ADGRE5: variants seen among roughly 807,000 people sequenced by gnomAD.
The protein encoded by ADGRE5 is CD97 molecule.
A neutral mutation model predicts 100.3 loss-of-function variants in ADGRE5; 72 were observed. The ratio of observed to expected loss-of-function variants is 0.72; its 90% CI spans 0.59 to 0.87. ADGRE5 has a LOEUF of 0.87. Among genes scored for constraint, ADGRE5 ranks in the 40% least tolerant of loss-of-function variants. ADGRE5 has a pLI of 0.00. For synonymous variants in ADGRE5, 439 were observed against 447.8 expected (o/e 0.98, Z 0.25); for missense variants, 959 against 1,094.7 (o/e 0.88, Z 1.75).
intron 4 of ADGRE5, among the ~76,000 whole-genome samples, chr19:14,395,697 G>A (rs998840283): frequency 2.0e-5 from 3 of 152,036 alleles, no homozygotes; most frequent in Admixed American, 6.6e-5. Flanking sequence ...TTGTAGACTC[G>A]GGGCTGCCTG....
chr19:14,407,061 G>A lies in ADGRE5; in HGVS notation c.2208G>A (p.Arg736=). ...CACGCTGCAACCCCGCTCCTCGCAG[G>A]GCGCTGACCATCACGGCCATCGCGC... is the stretch of plus-strand genomic sequence containing the variant. ...NPDMKKLKKA[R]ALTITAIAQL... Residue 736 remains arginine (R), a splice_region_variant and synonymous_variant, in exon 18 of 20, where the codon AGG becomes AGA. Transcript: ENST00000242786. 6.2e-7 allele frequency: 1 copy of A among 1,614,024 alleles called. No homozygotes were observed. Among genetic ancestry groups the A allele is most frequent in the Non-Finnish European group, 8.5e-7 (1 of 1,180,000 alleles).
Position 14,393,576 on chromosome 19 carries a change from G to A in ADGRE5, c.346+2497G>A, listed in dbSNP as rs561875383. On this transcript the variant is annotated intron_variant, in intron 4 of 19. Transcript: ENST00000242786. ...TAGTGCAGGGTACCGAGATCAGGAAGAGGAGTGGTGCAGAGGTGGGAGGTG... is the reference window on the plus strand; with the variant it reads ...TAGTGCAGGGTACCGAGATCAGGAAAAGGAGTGGTGCAGAGGTGGGAGGTG... Among the ~76,000 whole-genome samples, 23 of 152,356 alleles carry A rather than the reference G, an allele frequency of 1.5e-4. No homozygotes were observed. In the South Asian group the frequency reaches 4.3e-3, roughly 29 times the overall value.
intron 1 of ADGRE5, among the ~76,000 whole-genome samples, chr19:14,385,665 C>T (rs1311565181): frequency 1.3e-5 from 2 of 152,228 alleles, no homozygotes; most frequent in East Asian, 1.9e-4. Flanking sequence ...CAGGACAGAC[C>T]GCCAGGGCCA....
chr19:14,391,216 TACCTAC>T, intron 4 of ADGRE5, 137 bp downstream of exon 4: 2 of 1,094,304 alleles, frequency 1.8e-6, no homozygotes, highest in Non-Finnish European at 2.7e-6. Flanking sequence ...GGTGCACATG[TACCTAC>T]CCCACCACCC....
Position 14,408,300 on chromosome 19 carries a change from G to A in ADGRE5, c.*179G>A. ...GCACCAAAGTCCAGGACACCCAGTG[G>A]GGTGGAGTCGGAGCCACTGGTCCTG... On this transcript the variant is annotated 3_prime_UTR_variant, in exon 20 of 20. Transcript: ENST00000242786. 1.4e-6 allele frequency: 1 copy of A among 703,846 alleles called. No individual in the cohort carries two copies. The highest frequency in any genetic ancestry group is 2.7e-5 in the East Asian group (1 of 36,882). 43.6% of individuals were successfully genotyped at this position (703,846 alleles called of 1,614,324 possible). A position where few individuals can be genotyped will look rare whatever the true frequency, so the allele number is the denominator to read the frequency against.
chr19:14,390,603 C>T (rs201368906), intron 3 of ADGRE5, among the ~76,000 whole-genome samples: 4 of 152,196 alleles, frequency 2.6e-5, no homozygotes, highest in East Asian at 3.9e-4. Flanking sequence ...GGATTACAGG[C>T]GTGAGCCACT....
At chr19:14,395,626 C>T (rs1256186916) in intron 4 of ADGRE5, among the ~76,000 whole-genome samples, 1 of 152,262 alleles carries the variant, frequency 6.6e-6, no homozygotes, top group Non-Finnish European at 1.5e-5. Flanking sequence ...TATGGATTCT[C>T]ACCAAATCCT....
chr19:14,392,931 A>G (rs555135373), intron 4 of ADGRE5, among the ~76,000 whole-genome samples: 1 of 142,624 alleles, frequency 7.0e-6, no homozygotes, highest in South Asian at 2.2e-4. Context: ...GCTAGGCGCG[A>G]TGGCTCATGC....
At chr19:14,400,955 CA>C (rs201175207) in intron 9 of ADGRE5, among the ~76,000 whole-genome samples, 5,139 of 148,868 alleles carry the variant, frequency 0.035, 302 homozygotes, top group African/African-American at 0.12. Flanking sequence ...CAAAACAAAA[CA>C]AAAAAAAAAT....
chr19:14,406,560 G>A lies in ADGRE5; in HGVS notation c.2048+3G>A. 1 of 1,598,800 alleles carries A rather than the reference G, an allele frequency of 6.3e-7. No individual in the cohort carries two copies. Among genetic ancestry groups the A allele is most frequent in the Non-Finnish European group, 8.5e-7 (1 of 1,173,132 alleles). ...AAGGGCTACGGCCGCCCCAGATAGT[G>A]AGTGCAGCGAGATGGGGCAGGAGGA... On this transcript the variant is annotated splice_donor_region_variant and intron_variant, in intron 15 of 19. Coordinates refer to ENST00000242786, the MANE Select transcript of ADGRE5 (RefSeq NM_078481.4). The surrounding 1 kb of genome is among the most constrained non-coding windows in gnomAD (Gnocchi z 6.0).
chr19:14,394,313 G>A (rs1046053364), intron 4 of ADGRE5, among the ~76,000 whole-genome samples: 1 of 152,084 alleles, frequency 6.6e-6, no homozygotes, highest in African/African-American at 2.4e-5. Flanking sequence ...TTTAACCCAA[G>A]GCACTCCAGG....
At chr19:14,403,592 GA>G (rs1358809326) in intron 12 of ADGRE5, among the ~76,000 whole-genome samples, 6 of 152,174 alleles carry the variant, frequency 3.9e-5, no homozygotes, top group Admixed American at 2.0e-4. Context: ...GGGCTCCAGT[GA>G]TCCTCCCACC....
intron 12 of ADGRE5, among the ~76,000 whole-genome samples, chr19:14,404,001 C>T (rs1976117117): frequency 6.6e-6 from 1 of 151,164 alleles, no homozygotes; most frequent in African/African-American, 2.4e-5. Flanking sequence ...CCAGGACTCC[C>T]AAGTAGCTGG....
At chr19:14,385,391 C>CTCTG (rs757264195) in intron 1 of ADGRE5, among the ~76,000 whole-genome samples, 37 of 152,196 alleles carry the variant, frequency 2.4e-4, no homozygotes, top group Non-Finnish European at 3.4e-4. Context: ...CTTTCTCTCT[C>CTCTG]TCTGTCTGTC....
chr19:14,403,406 G>T (rs527427790), intron 12 of ADGRE5, among the ~76,000 whole-genome samples: 1 of 152,250 alleles, frequency 6.6e-6, no homozygotes, highest in Non-Finnish European at 1.5e-5. Flanking sequence ...AGGCTGGAGT[G>T]CAGTGGCGCG....
intron 1 of ADGRE5, 35 bp from the exon 2 acceptor site, chr19:14,388,415 A>T: frequency 1.3e-6 from 2 of 1,494,686 alleles, no homozygotes; most frequent in Non-Finnish European, 1.8e-6. Context: ...CCACCCTGGG[A>T]TCCCCTCTGA....
intron 4 of ADGRE5, among the ~76,000 whole-genome samples, chr19:14,394,277 C>T (rs183969891): frequency 1.8e-4 from 28 of 152,210 alleles, no homozygotes; most frequent in Middle Eastern, 6.8e-3. Context: ...AGAGGTGAGA[C>T]GCTCAGAGGG....
intron 1 of ADGRE5, 85 bp downstream of exon 1, chr19:14,381,630 T>G: frequency 6.8e-7 from 1 of 1,465,320 alleles, no homozygotes; most frequent in South Asian, 1.2e-5. Flanking sequence ...GAGGCGCCGC[T>G]GGTGTCTGTG....
intron 9 of ADGRE5, among the ~76,000 whole-genome samples, chr19:14,400,305 C>A (rs1306308816): frequency 6.6e-6 from 1 of 151,170 alleles, no homozygotes; most frequent in Non-Finnish European, 1.5e-5. Flanking sequence ...CAGGTGTGAG[C>A]CACCGCGCCC....
Sources: allele counts gnomAD v4.1 joint callset (sites outside exome capture counted in the v4.1 genomes callset), GRCh38; gene constraint gnomAD v4.1.1; non-coding constraint Gnocchi (gnomAD v3.1); transcripts MANE v1.5; gene names NCBI Gene and HGNC (gene_info 2026-07-23, HGNC 2026-07-21).